The following PRDM16 variants were observed in gnomAD, a reference collection of about 807,000 sequenced individuals.
PRDM16 encodes histone-lysine N-methyltransferase PRDM16.
PRDM16 carries 23 observed loss-of-function variants against 110.6 expected under a neutral mutation model. That is an observed-to-expected ratio of 0.21 (90% CI 0.15 to 0.29). The LOEUF (loss-of-function observed/expected upper bound fraction) is 0.29, where lower values mean the gene tolerates loss of function less well. PRDM16 is among the 10% of genes least tolerant of loss of function. The probability of loss-of-function intolerance (pLI) is 1.00; values close to 1 mark genes in which losing one functional copy is unlikely to be tolerated. For missense variants in PRDM16, 1,615 were observed against 1,794.3 expected (o/e 0.90, Z 1.81); for synonymous variants, 799 against 781.8 (o/e 1.02, Z -0.37).
intron 1 of PRDM16, among the ~76,000 whole-genome samples, chr1:3,165,716 G>C (rs1297177275): frequency 1.4e-5 from 1 of 69,332 alleles, no homozygotes; most frequent in Admixed American, 1.4e-4. Flanking sequence ...TGGGCTCAGG[G>C]ACAGTGACTC....
chr1:3,270,276 C>T (rs1159823297), intron 3 of PRDM16, among the ~76,000 whole-genome samples: 4 of 143,042 alleles, frequency 2.8e-5, no homozygotes, highest in Non-Finnish European at 4.5e-5. Flanking sequence ...AGCACAGTCC[C>T]GGAGGAGGAC....
intron 3 of PRDM16, among the ~76,000 whole-genome samples, chr1:3,320,327 TGC>T (rs1373778327): frequency 6.6e-6 from 1 of 152,172 alleles, no homozygotes; most frequent in African/African-American, 2.4e-5. Context: ...TGTGTGTGTG[TGC>T]GTGTGTGTGT....
intron 2 of PRDM16, among the ~76,000 whole-genome samples, chr1:3,188,272 G>A (rs1235656170): frequency 1.3e-5 from 2 of 152,174 alleles, no homozygotes; most frequent in Non-Finnish European, 1.5e-5. Context: ...ATCAGGAGGT[G>A]GCTTGTGGAT....
chr1:3,089,936 T>G (rs990208213), intron 1 of PRDM16, among the ~76,000 whole-genome samples: 4 of 152,226 alleles, frequency 2.6e-5, no homozygotes, highest in Non-Finnish European at 5.9e-5. Context: ...ATTCATCCAT[T>G]CATTCCTGCC....
intron 2 of PRDM16, among the ~76,000 whole-genome samples, chr1:3,204,432 A>G (rs1158707987): frequency 1.3e-5 from 2 of 152,222 alleles, no homozygotes; most frequent in African/African-American, 2.4e-5. Flanking sequence ...TGATCCCTAC[A>G]GTTTCTAGAG....
intron 3 of PRDM16, among the ~76,000 whole-genome samples, chr1:3,305,947 C>T (rs995244218): frequency 4.6e-5 from 7 of 152,268 alleles, no homozygotes; most frequent in Non-Finnish European, 4.4e-5. Context: ...CCCAGTGACA[C>T]TCTCTGCATC....
At chr1:3,179,091 CA>C (rs1245874397) in intron 1 of PRDM16, among the ~76,000 whole-genome samples, 1 of 152,262 alleles carries the variant, frequency 6.6e-6, no homozygotes, top group East Asian at 1.9e-4. Flanking sequence ...GGAACTCAGA[CA>C]AACCCCATCC....
intron 1 of PRDM16, among the ~76,000 whole-genome samples, chr1:3,078,172 G>A (rs899967482): frequency 6.6e-6 from 1 of 152,184 alleles, no homozygotes; most frequent in Non-Finnish European, 1.5e-5. Flanking sequence ...ATCTTCCCCT[G>A]TGTCAATCAT....
chr1:3,357,156 C>G (rs1044431204), intron 3 of PRDM16, among the ~76,000 whole-genome samples: 1 of 152,110 alleles, frequency 6.6e-6, no homozygotes, highest in Non-Finnish European at 1.5e-5. Flanking sequence ...TGTCTGGGGC[C>G]GGGCCCTGGG....
intron 12 of PRDM16, chr1:3,424,789 A>AGGGAGCTGGACT (rs1553178975): frequency 1.3e-5 from 2 of 152,402 alleles, no homozygotes; most frequent in Admixed American, 6.5e-5. Context: ...GGAAGGTCAC[A>AGGGAGCTGGACT]GGGAGCTGGT....
rs555974126 is a variant in PRDM16 at position 3,171,458 on chromosome 1, AC to A, written c.38-14662del. Among the ~76,000 whole-genome samples, 668 of 151,832 alleles carry A rather than the reference AC, an allele frequency of 4.4e-3. 3 individuals are homozygous for A. Among genetic ancestry groups the A allele is most frequent in the African/African-American group, 0.015 (626 of 41,414 alleles). On this transcript the variant is annotated intron_variant, in intron 1 of 16. Coordinates refer to ENST00000270722, the MANE Select transcript of PRDM16 (RefSeq NM_022114.4). ...TGCGAGGACGCTGGCCTTGATTGCA[AC>A]CCCCTCCAAACCCTCAGTGCCGCAG...
chr1:3,194,555 C>A (rs67620903), intron 2 of PRDM16, among the ~76,000 whole-genome samples: 35,703 of 151,048 alleles, frequency 0.24, 5,353 homozygotes, highest in African/African-American at 0.43. Context: ...CTGGACTCTG[C>A]GGCAACTGGC....
At chr1:3,235,551 G>A (rs929569486) in intron 2 of PRDM16, among the ~76,000 whole-genome samples, 1 of 152,182 alleles carries the variant, frequency 6.6e-6, no homozygotes, top group African/African-American at 2.4e-5. Flanking sequence ...GCCTGGCAGA[G>A]AAAGGGCTCT....
chr1:3,173,264 T>C (rs1644046215), intron 1 of PRDM16, among the ~76,000 whole-genome samples: 1 of 152,098 alleles, frequency 6.6e-6, no homozygotes, highest in African/African-American at 2.4e-5. Context: ...CCAAATCACA[T>C]CTCTCTGAAA....
At chr1:3,121,003 C>T (rs1643082833) in intron 1 of PRDM16, among the ~76,000 whole-genome samples, 1 of 152,200 alleles carries the variant, frequency 6.6e-6, no homozygotes, top group Admixed American at 6.5e-5. Flanking sequence ...GACTTGTGAG[C>T]ATGTTAGAAT....
chr1:3,146,493 GTATA>G, intron 1 of PRDM16, among the ~76,000 whole-genome samples: 1 of 150,122 alleles, frequency 6.7e-6, no homozygotes, highest in Non-Finnish European at 1.5e-5. Context: ...TGGTTGGGGT[GTATA>G]TGTGTGCAAG....
chr1:3,360,227 G>A (rs1211158170), intron 3 of PRDM16, among the ~76,000 whole-genome samples: 1 of 152,230 alleles, frequency 6.6e-6, no homozygotes, highest in African/African-American at 2.4e-5. Flanking sequence ...GAGGGCGCTT[G>A]CGGGCCAGAG....
chr1:3,154,970 G>A (rs1400128863), intron 1 of PRDM16, among the ~76,000 whole-genome samples: 1 of 152,198 alleles, frequency 6.6e-6, no homozygotes, highest in East Asian at 1.9e-4. Flanking sequence ...AACCGACCCC[G>A]CCATCCCTGG....
chr1:3,360,323 C>T (rs918293705), intron 3 of PRDM16, among the ~76,000 whole-genome samples: 1 of 152,164 alleles, frequency 6.6e-6, no homozygotes, highest in Non-Finnish European at 1.5e-5. Flanking sequence ...CTAGGCTCTG[C>T]CTTGCCAGGA....
Sources: gnomAD v4.1 joint callset for allele counts (sites outside exome capture counted in the v4.1 genomes callset) on GRCh38, gnomAD v4.1.1 for gene constraint, MANE v1.5 for transcripts, NCBI Gene and HGNC (gene_info 2026-07-23, HGNC 2026-07-21) for gene names.